ZNF248: variants seen among roughly 807,000 people sequenced by gnomAD.
The protein encoded by ZNF248 is zinc finger protein 248, also known as KRAB protein domain.
In ZNF248, 20 loss-of-function variants were observed where a neutral mutation model predicts 44.3. The observed-to-expected ratio is 0.45, with a 90% CI of 0.32 to 0.66. The LOEUF is 0.66. Ranked by LOEUF, ZNF248 falls within the 30% of genes least tolerant of loss-of-function variation. The probability of loss-of-function intolerance (pLI) is 0.04; values close to 1 mark genes in which losing one functional copy is unlikely to be tolerated. For missense variants in ZNF248, 654 were observed against 677.0 expected, an observed-to-expected ratio of 0.97 and a Z score of 0.38; for synonymous variants, 224 against 229.0, an observed-to-expected ratio of 0.98 and a Z score of 0.20.
the ZNF248 span, among the ~76,000 whole-genome samples, chr10:37,767,861 G>A: frequency 1.3e-5 from 2 of 152,142 alleles, no homozygotes; most frequent in Non-Finnish European, 2.9e-5. Flanking sequence ...ACCCATCAGT[G>A]TGCTGTATTC....
At position 37,831,733 on chromosome 10, in the gene ZNF248, G is replaced by C. The variant is rs370640735; in HGVS notation, c.1622C>G (p.Thr541Ser). The stretch of plus-strand genomic sequence containing the variant: ...CTCATACGGCTTCTCCCCTGTGTGA[G>C]TCCTCTGATGTTTAGTGAGAGCTGA... Reference protein sequence around the residue: ...EKSALTKHQRTHTGEKPYECN... With the variant: ...EKSALTKHQRSHTGEKPYECN... Residue 541 changes from threonine (T) to serine (S), a missense_variant, in exon 6 of 6, where the codon ACT (threonine) becomes AGT (serine). By Grantham distance (58) the Thr-to-Ser change is moderately conservative. Coordinates refer to ENST00000395867, the MANE Select transcript of ZNF248 (RefSeq NM_021045.3). The C allele has an allele frequency of 1.7e-5, 28 of 1,613,168 alleles. No individual in the cohort carries two copies. The highest frequency in any genetic ancestry group is 2.4e-5 in the Non-Finnish European group (28 of 1,179,360).
At chr10:37,764,049 G>A in the ZNF248 span, among the ~76,000 whole-genome samples, 3 of 152,170 alleles carry the variant, frequency 2.0e-5, no homozygotes, top group East Asian at 5.8e-4. Flanking sequence ...AGGGAACAAG[G>A]GAGATAACCA....
At chr10:37,852,458 G>C (rs1380126133) in intron 3 of ZNF248, among the ~76,000 whole-genome samples, 7 of 152,004 alleles carry the variant, frequency 4.6e-5, no homozygotes, top group Admixed American at 3.9e-4. Context: ...GATTAATTTA[G>C]GGAGGAGTAG....
rs765366982 is a variant in ZNF248 at position 37,832,132 on chromosome 10, T to C, written c.1223A>G (p.Tyr408Cys). The change falls in exon 6 of 6, where the codon TAT becomes TGT. Residue 408 changes from tyrosine to cysteine, a missense_variant. Physicochemically the swap from Tyr to Cys is radical, Grantham distance 194 (BLOSUM62 -2). Transcript: ENST00000395867. Reference protein sequence around the residue: ...HQRTHTGEKPYECTECGKAFC... With the variant: ...HQRTHTGEKPCECTECGKAFC... The stretch of plus-strand genomic sequence containing the variant: ...GGCTTTCCCACATTCAGTACATTCA[T>C]AGGGCTTCTCTCCTGTGTGTGTTCT... 3.7e-6 allele frequency: 6 copies of C among 1,613,888 alleles called. No homozygotes were observed. The highest frequency in any genetic ancestry group is 1.1e-5 in the South Asian group (1 of 91,080).
intron 3 of ZNF248, among the ~76,000 whole-genome samples, chr10:37,843,434 A>G (rs2058719892): frequency 6.6e-6 from 1 of 151,326 alleles, no homozygotes; most frequent in Non-Finnish European, 1.5e-5. Flanking sequence ...AAAAAAAAAA[A>G]AAAAAGAAAA....
chr10:37,834,905 CAAAG>C (rs1392493419), intron 5 of ZNF248, among the ~76,000 whole-genome samples: 2 of 151,798 alleles, frequency 1.3e-5, no homozygotes, highest in African/African-American at 2.4e-5. Context: ...GGAGCAGAAA[CAAAG>C]AAATTTAAGA....
downstream of ZNF248, among the ~76,000 whole-genome samples, chr10:37,824,244 C>G (rs1054942808): frequency 6.6e-6 from 1 of 152,152 alleles, no homozygotes; most frequent in Non-Finnish European, 1.5e-5. Context: ...TTCTTACTCA[C>G]GAGTGTTGGC....
At chr10:37,819,569 T>C (rs2053121286) in intron 6 of ZNF248, 1 of 917,274 alleles carries the variant, frequency 1.1e-6, no homozygotes, top group African/African-American at 1.6e-5. Context: ...ATCTTTAAAT[T>C]GTGAGTTATC....
the ZNF248 span, among the ~76,000 whole-genome samples, chr10:37,760,520 G>C: frequency 4.6e-5 from 7 of 152,308 alleles, no homozygotes; most frequent in African/African-American, 1.4e-4. Flanking sequence ...ACTGTGCCTG[G>C]CCTAAAGTGC....
At chr10:37,821,042 T>C in intron 6 of ZNF248, 1 of 1,044,976 alleles carries the variant, frequency 9.6e-7, no homozygotes, top group Non-Finnish European at 1.5e-6. Flanking sequence ...AAGACCTACA[T>C]AATTTTAATC....
At chr10:37,818,103 A>G (rs184865237) in intron 6 of ZNF248, among the ~76,000 whole-genome samples, 1 of 152,054 alleles carries the variant, frequency 6.6e-6, no homozygotes, top group African/African-American at 2.4e-5. Flanking sequence ...TTTTTAGTAG[A>G]GACGGGGTTT....
intron 6 of ZNF248, among the ~76,000 whole-genome samples, chr10:37,799,640 C>T (rs1471503999): frequency 4.6e-5 from 7 of 152,136 alleles, no homozygotes; most frequent in Non-Finnish European, 8.8e-5. Context: ...TGCCAGCTTA[C>T]ACTCAGTAAG....
intron 4 of ZNF248, 60 bp downstream of exon 4, chr10:37,837,925 C>T (rs1175977397): frequency 5.1e-6 from 8 of 1,579,164 alleles, no homozygotes; most frequent in Non-Finnish European, 1.7e-6. Context: ...CAGAAAACTA[C>T]AGGGCATCAA....
chr10:37,764,882 C>T, the ZNF248 span, among the ~76,000 whole-genome samples: 1 of 151,888 alleles, frequency 6.6e-6, no homozygotes, highest in African/African-American at 2.4e-5. Flanking sequence ...ATGCATAAGA[C>T]ATGCAGATAC....
In ZNF248 at chr10:37,830,031, G is replaced by T; in HGVS notation, c.*1584C>A. 1 of 985,386 alleles carries T rather than the reference G, an allele frequency of 1.0e-6. No homozygotes were observed. The highest frequency in any genetic ancestry group is 1.2e-6 in the Non-Finnish European group (1 of 829,944). 61.0% of individuals were successfully genotyped at this position (985,386 alleles called of 1,614,324 possible). On this transcript the variant is annotated 3_prime_UTR_variant, in exon 6 of 6. Coordinates refer to ENST00000395867, the MANE Select transcript of ZNF248 (RefSeq NM_021045.3). Reference sequence around the variant, plus strand: ...ACCAATGTGTTCCAAGGGGGCAAAAGAAACAACAGGACAAGGGAGGCAGAG... The same window carrying T: ...ACCAATGTGTTCCAAGGGGGCAAAATAAACAACAGGACAAGGGAGGCAGAG...
At chr10:37,763,847 C>A in the ZNF248 span, among the ~76,000 whole-genome samples, 9 of 152,194 alleles carry the variant, frequency 5.9e-5, no homozygotes, top group African/African-American at 2.2e-4. Flanking sequence ...ATTTCATGGA[C>A]ATTTATCACT....
intron 6 of ZNF248, chr10:37,818,666 A>T (rs2052958459): frequency 1.9e-6 from 1 of 525,250 alleles, no homozygotes; most frequent in Non-Finnish European, 3.6e-6. Flanking sequence ...CAGCAGGGCT[A>T]CTCACAAAGA....
At chr10:37,838,501 C>G (rs1050661914) in intron 3 of ZNF248, among the ~76,000 whole-genome samples, 1 of 152,118 alleles carries the variant, frequency 6.6e-6, no homozygotes, top group African/African-American at 2.4e-5. Context: ...TAACTGTCAT[C>G]AAGGAAGTAA....
At chr10:37,844,037 TAAG>T (rs1427787313) in intron 3 of ZNF248, among the ~76,000 whole-genome samples, 1 of 152,096 alleles carries the variant, frequency 6.6e-6, no homozygotes, top group Non-Finnish European at 1.5e-5. Flanking sequence ...GCCCAAATTC[TAAG>T]AATAACACAA....
Sources: gnomAD v4.1 joint callset for allele counts (sites outside exome capture counted in the v4.1 genomes callset) on GRCh38, gnomAD v4.1.1 for gene constraint, MANE v1.5 for transcripts, NCBI Gene and HGNC (gene_info 2026-07-23, HGNC 2026-07-21) for gene names.